Variants in PXT1 observed in about 807,000 individuals in gnomAD.
PXT1 encodes the protein peroxisomal testis-specific protein 1.
PXT1 carries 11 observed loss-of-function variants against 11.0 expected under a neutral mutation model. That is an observed-to-expected ratio of 1.00 (90% CI 0.63 to 1.66). The LOEUF is 1.66. Ranked by LOEUF, PXT1 falls within the 40% of genes most tolerant of loss-of-function variation. PXT1 has a pLI of 0.00. For missense variants in PXT1, 141 were observed against 155.5 expected (o/e 0.91, Z 0.49); for synonymous variants, 43 against 51.4 (o/e 0.84, Z 0.70).
At chr6:36,395,630 G>A (rs1332581003) in intron 4 of PXT1, among the ~76,000 whole-genome samples, 1 of 150,324 alleles carries the variant, frequency 6.7e-6, no homozygotes, top group Non-Finnish European at 1.5e-5. Context: ...AGCCTTACGA[G>A]TAGCTGGGAC....
At chr6:36,419,458 G>A (rs546856074) in intron 3 of PXT1, among the ~76,000 whole-genome samples, 1 of 152,210 alleles carries the variant, frequency 6.6e-6, no homozygotes, top group Non-Finnish European at 1.5e-5. Flanking sequence ...AGGGCAGTTA[G>A]GTAGGCAAAG....
chr6:36,438,836 C>T lies in PXT1; in HGVS notation c.-79G>A, dbSNP rs141384990. Reference sequence around the variant, plus strand: ...CTTGAGTTAATAAATTGCAAAGTTTCCCTCTTTTGTTTGCTTTGTTTTCCT... The same window carrying T: ...CTTGAGTTAATAAATTGCAAAGTTTTCCTCTTTTGTTTGCTTTGTTTTCCT... On this transcript the variant is annotated 5_prime_UTR_variant, in exon 2 of 5. Coordinates refer to ENST00000454782, the MANE Select transcript of PXT1 (RefSeq NM_152990.4). 1.3e-5 allele frequency: 2 copies of T among 152,186 alleles called. No homozygotes were observed. The highest frequency in any genetic ancestry group is 2.1e-4 in the South Asian group (1 of 4,832). The allele number at this position is 152,186 out of a possible 1,614,324, so 9.4% of individuals were successfully genotyped here. A position where few individuals can be genotyped will look rare whatever the true frequency, so the allele number is the denominator to read the frequency against.
intron 3 of PXT1, among the ~76,000 whole-genome samples, chr6:36,408,513 C>T (rs539597018): frequency 6.6e-6 from 1 of 151,520 alleles, no homozygotes; most frequent in Non-Finnish European, 1.5e-5. Flanking sequence ...CCCTCGTTAG[C>T]CTCTCAAAGT....
chr6:36,426,595 C>G (rs1001391236), intron 2 of PXT1, among the ~76,000 whole-genome samples: 5 of 151,982 alleles, frequency 3.3e-5, no homozygotes, highest in African/African-American at 4.8e-5. Context: ...GTCTCAAACT[C>G]CTGACCTCAG....
rs1561927932 is a variant in PXT1, at chr6:36,409,970, A to AG, written c.170-9387_170-9386insC. Among the ~76,000 whole-genome samples, 183 of 142,060 alleles carry AG rather than the reference A, an allele frequency of 1.3e-3. 1 individual carries two copies. Among genetic ancestry groups the AG allele is most frequent in the African/African-American group, 4.7e-3 (161 of 34,036 alleles). 93.2% of individuals were successfully genotyped at this position (142,060 alleles called of 152,430 possible). On this transcript the variant is annotated intron_variant, in intron 3 of 4. Transcript: ENST00000454782. ...GAAAGAGAAAGGAAGAAAGAGAAAA[A>AG]AGAAAGAAAGAAAGAAAGAAAAAGA... is the stretch of plus-strand genomic sequence containing the variant.
chr6:36,410,454 TGAAG>T (rs1774356676), intron 3 of PXT1, among the ~76,000 whole-genome samples: 1 of 64,626 alleles, frequency 1.5e-5, no homozygotes, highest in Non-Finnish European at 3.2e-5. Context: ...AAAAAAGAAA[TGAAG>T]GAAGGAAGGA....
At chr6:36,393,632 G>A (rs9470267) in intron 4 of PXT1, among the ~76,000 whole-genome samples, 38,651 of 151,780 alleles carry the variant, frequency 0.25, 4,975 homozygotes, top group East Asian at 0.39. Flanking sequence ...GGGAGGCTGA[G>A]GCATGATAAT....
chr6:36,396,404 C>T (rs1774144731), intron 4 of PXT1, among the ~76,000 whole-genome samples: 1 of 152,188 alleles, frequency 6.6e-6, no homozygotes, highest in Admixed American at 6.5e-5. Flanking sequence ...CCCCAGGAAG[C>T]ACCCTACCCC....
chr6:36,418,573 A>T (rs568006339), intron 3 of PXT1, among the ~76,000 whole-genome samples: 99 of 152,376 alleles, frequency 6.5e-4, no homozygotes, highest in African/African-American at 2.1e-3. Context: ...ATGCAACAAA[A>T]ATACAGCATC....
chr6:36,432,187 T>A (rs1774702604), intron 2 of PXT1, among the ~76,000 whole-genome samples: 1 of 152,090 alleles, frequency 6.6e-6, no homozygotes. Flanking sequence ...AGGAATGATG[T>A]TTAAGTTAGG....
intron 3 of PXT1, among the ~76,000 whole-genome samples, chr6:36,402,495 G>C (rs1410245143): frequency 2.0e-5 from 3 of 152,206 alleles, no homozygotes; most frequent in African/African-American, 7.2e-5. Flanking sequence ...AATTCAACAT[G>C]TTAGAGTAAG....
chr6:36,424,948 A>G (rs1467716304), intron 3 of PXT1, among the ~76,000 whole-genome samples: 2 of 152,184 alleles, frequency 1.3e-5, no homozygotes, highest in Non-Finnish European at 2.9e-5. Flanking sequence ...GGTGGCAAGC[A>G]ACTATCAGGA....
intron 4 of PXT1, among the ~76,000 whole-genome samples, chr6:36,396,255 T>C (rs1377539492): frequency 6.6e-6 from 1 of 152,140 alleles, no homozygotes; most frequent in Non-Finnish European, 1.5e-5. Flanking sequence ...AGCAGGAAGG[T>C]GCAGCTGGGG....
chr6:36,394,773 C>T (rs950660268), intron 4 of PXT1, among the ~76,000 whole-genome samples: 1 of 151,660 alleles, frequency 6.6e-6, no homozygotes, highest in African/African-American at 2.4e-5. Flanking sequence ...GAACCAAAAC[C>T]CCACACAACT....
chr6:36,428,475 G>A (rs1458629604), intron 2 of PXT1, among the ~76,000 whole-genome samples: 3 of 151,506 alleles, frequency 2.0e-5, no homozygotes, highest in African/African-American at 7.3e-5. Context: ...TAGCTACCAG[G>A]CGAGTTTCTT....
intron 3 of PXT1, among the ~76,000 whole-genome samples, chr6:36,422,424 C>T (rs1774535148): frequency 6.6e-6 from 1 of 152,156 alleles, no homozygotes; most frequent in Non-Finnish European, 1.5e-5. Flanking sequence ...CTCTGATCTC[C>T]CTGCTAGGTC....
intron 2 of PXT1, among the ~76,000 whole-genome samples, chr6:36,432,720 AC>A (rs908291048): frequency 6.6e-6 from 1 of 152,166 alleles, no homozygotes; most frequent in Non-Finnish European, 1.5e-5. Flanking sequence ...CCAGAGCCCC[AC>A]CCTATCTAAT....
At chr6:36,439,349 C>A (rs1021552601) in intron 1 of PXT1, among the ~76,000 whole-genome samples, 1 of 151,422 alleles carries the variant, frequency 6.6e-6, no homozygotes, top group Non-Finnish European at 1.5e-5. Flanking sequence ...TGGTGGCTCA[C>A]GCCTGTAATC....
At position 36,399,113 on chromosome 6, in the gene PXT1, C is replaced by CTTTATTTTAT. The variant is rs141107551; in HGVS notation, c.300+1331_300+1340dup. On this transcript the variant is annotated intron_variant, in intron 4 of 4. Transcript: ENST00000454782. Reference sequence around the variant, plus strand: ...TTATTTTCTCTTTATTTCTCTCTTGCTTTATTTTATTTTATTTTATTTCAT... The same window carrying CTTTATTTTAT: ...TTATTTTCTCTTTATTTCTCTCTTGCTTTATTTTATTTTATTTTATTTTATTTTATTTCAT... Among the ~76,000 whole-genome samples, 73 of 147,392 alleles carry CTTTATTTTAT rather than the reference C, an allele frequency of 5.0e-4. 1 individual carries two copies. The highest frequency in any genetic ancestry group is 1.6e-3 in the Admixed American group (24 of 14,672).
Sources: gnomAD v4.1 joint callset for allele counts (sites outside exome capture counted in the v4.1 genomes callset) on GRCh38, gnomAD v4.1.1 for gene constraint, MANE v1.5 for transcripts, NCBI Gene and HGNC (gene_info 2026-07-23, HGNC 2026-07-21) for gene names.